Variants in PPIL6 observed in about 807,000 individuals in gnomAD.
PPIL6 encodes probable inactive peptidyl-prolyl cis-trans isomerase-like 6.
In PPIL6, 39 loss-of-function variants were observed where a neutral mutation model predicts 36.8. The ratio of observed to expected loss-of-function variants is 1.06; its 90% CI spans 0.82 to 1.38. The LOEUF is 1.38. Ranked by LOEUF, PPIL6 falls within the 40% of genes most tolerant of loss-of-function variation. The pLI is 0.00. For missense variants in PPIL6, 368 were observed against 379.1 expected (o/e 0.97, Z 0.24); for synonymous variants, 123 against 134.1 (o/e 0.92, Z 0.57).
chr6:109,397,348 T>C lies in PPIL6; in HGVS notation c.824+2687A>G, dbSNP rs117767293. On this transcript the variant is annotated intron_variant, in intron 7 of 7. Transcript: ENST00000521072. Reference sequence around the variant, plus strand: ...AGGAGACCGAGTGCTCTCCACTCCATTGCCGCCCTGTAACGCTCTGTGTTC... The same window carrying C: ...AGGAGACCGAGTGCTCTCCACTCCACTGCCGCCCTGTAACGCTCTGTGTTC... Among the ~76,000 whole-genome samples the C allele has an allele frequency of 1.6e-4, 24 of 152,098 alleles. No homozygotes were observed. In the East Asian group the frequency reaches 4.3e-3, roughly 27 times the overall value.
intron 5 of PPIL6, among the ~76,000 whole-genome samples, chr6:109,421,474 CAT>C (rs1375062704): frequency 6.6e-6 from 1 of 152,202 alleles, no homozygotes; most frequent in Non-Finnish European, 1.5e-5. Flanking sequence ...AATGAAATAA[CAT>C]AGGTAGAGCA....
intron 5 of PPIL6, among the ~76,000 whole-genome samples, chr6:109,425,442 C>G (rs542774687): frequency 6.6e-6 from 1 of 152,088 alleles, no homozygotes; most frequent in East Asian, 1.9e-4. Context: ...AAAAATAAAA[C>G]GAAACAAAAG....
chr6:109,411,592 C>T (rs1017531228), intron 6 of PPIL6, among the ~76,000 whole-genome samples: 1 of 152,214 alleles, frequency 6.6e-6, no homozygotes, highest in African/African-American at 2.4e-5. Flanking sequence ...TCCCAAGTCT[C>T]ACCTGGTTTT....
At chr6:109,394,926 C>A (rs1211191296) in intron 7 of PPIL6, among the ~76,000 whole-genome samples, 1 of 152,168 alleles carries the variant, frequency 6.6e-6, no homozygotes, top group African/African-American at 2.4e-5. Flanking sequence ...AACTGGCTAT[C>A]CTATAGGTAT....
At chr6:109,393,128 A>G (rs534726213) in intron 7 of PPIL6, among the ~76,000 whole-genome samples, 191 bp from the exon 8 acceptor site, 2 of 151,940 alleles carry the variant, frequency 1.3e-5, no homozygotes, top group Non-Finnish European at 2.9e-5. Context: ...CAGGGCCATC[A>G]TCCAGGCAGC....
rs1400987342 is a variant in PPIL6 at position 109,403,058 on chromosome 6, C to T, written c.689-2888G>A. 27 of 1,532,726 alleles carry T rather than the reference C, an allele frequency of 1.8e-5. No homozygotes were observed. The highest frequency in any genetic ancestry group is 2.3e-5 in the Non-Finnish European group (26 of 1,145,014). 94.9% of individuals were successfully genotyped at this position (1,532,726 alleles called of 1,614,324 possible). On this transcript the variant is annotated intron_variant, in intron 6 of 7. Coordinates refer to ENST00000521072, the MANE Select transcript of PPIL6 (RefSeq NM_173672.5). ...CGGTATTTCTCGATCTTTCCAACCCCTCTGCTTTCCTTCTGCCTCTTTACA... is the reference window on the plus strand; with the variant it reads ...CGGTATTTCTCGATCTTTCCAACCCTTCTGCTTTCCTTCTGCCTCTTTACA...
chr6:109,431,375 A>AC (rs1562273069), intron 2 of PPIL6, 30 bp from the exon 3 acceptor site: 4 of 1,533,178 alleles, frequency 2.6e-6, no homozygotes, highest in Middle Eastern at 1.7e-4. Flanking sequence ...AAAAAAAAAA[A>AC]AACGTAAGAA....
intron 6 of PPIL6, among the ~76,000 whole-genome samples, chr6:109,412,832 G>GATTCTGCA (rs1773071963): frequency 6.6e-6 from 1 of 152,144 alleles, no homozygotes; most frequent in Non-Finnish European, 1.5e-5. Flanking sequence ...ATCATATCAA[G>GATTCTGCA]TTAAAAAGAT....
At chr6:109,425,486 T>C (rs1388921372) in intron 5 of PPIL6, among the ~76,000 whole-genome samples, 1 of 152,142 alleles carries the variant, frequency 6.6e-6, no homozygotes, top group East Asian at 1.9e-4. Flanking sequence ...TGGTGGCTCA[T>C]GCCTGTAATC....
Position 109,420,870 on chromosome 6 carries a change from T to C in PPIL6, c.632-1627A>G, listed in dbSNP as rs372818330. Among the ~76,000 whole-genome samples the C allele has an allele frequency of 4.3e-4, 66 of 152,344 alleles. 2 individuals carry two copies. The South Asian group carries it at 0.013, about 31-fold the overall frequency. ...AGGCCATGCAGCATTTAAATTATAC[T>C]ACTCAGAAAGCTGGCTCAGAAGTTA... On this transcript the variant is annotated intron_variant, in intron 5 of 7. Coordinates refer to ENST00000521072, the MANE Select transcript of PPIL6 (RefSeq NM_173672.5).
intron 7 of PPIL6, 120 bp downstream of exon 7, chr6:109,399,915 T>C (rs959883561): frequency 1.1e-5 from 7 of 662,840 alleles, no homozygotes; most frequent in African/African-American, 9.1e-5. Flanking sequence ...TTTGTATTAT[T>C]TTTGCATTTA....
At chr6:109,421,018 G>A (rs1416242520) in intron 5 of PPIL6, among the ~76,000 whole-genome samples, 1 of 152,180 alleles carries the variant, frequency 6.6e-6, no homozygotes, top group Non-Finnish European at 1.5e-5. Flanking sequence ...AAATGGGGAA[G>A]CTGAGGGCCC....
At chr6:109,412,869 T>C (rs1315149409) in intron 6 of PPIL6, among the ~76,000 whole-genome samples, 1 of 152,098 alleles carries the variant, frequency 6.6e-6, no homozygotes, top group African/African-American at 2.4e-5. Flanking sequence ...AACAACAAAG[T>C]GAAGACATGG....
rs1313045785 is a variant in PPIL6, at chr6:109,413,405, C to T, written c.688+5782G>A. 1.3e-5 allele frequency among the ~76,000 whole-genome samples: 2 copies of T among 152,174 alleles called. No homozygotes were observed. The highest frequency in any genetic ancestry group is 4.8e-5 in the African/African-American group (2 of 41,448). On this transcript the variant is annotated intron_variant, in intron 6 of 7. Transcript: ENST00000521072. This position sits in a 1 kb window ranked among gnomAD's most constrained non-coding sequence, Gnocchi z 4.6. The stretch of plus-strand genomic sequence containing the variant: ...ATCAGAGAAACGTAAACCCAAACTA[C>T]AACGAGATATCTCACTCCAGTTAAA...
intron 6 of PPIL6, among the ~76,000 whole-genome samples, chr6:109,415,117 G>A (rs945436383): frequency 1.3e-5 from 2 of 152,188 alleles, no homozygotes. Flanking sequence ...GAGGCAGAGA[G>A]GTGGACGAGG....
chr6:109,401,028 T>A (rs1772512688), intron 6 of PPIL6, among the ~76,000 whole-genome samples: 2 of 115,776 alleles, frequency 1.7e-5, no homozygotes, highest in Non-Finnish European at 3.6e-5. Context: ...CCCGGCTAAT[T>A]TTTTTTTTTT....
intron 6 of PPIL6, among the ~76,000 whole-genome samples, chr6:109,405,649 C>T (rs1399934760): frequency 6.6e-6 from 1 of 152,176 alleles, no homozygotes; most frequent in Non-Finnish European, 1.5e-5. Flanking sequence ...ATTCTTCCAC[C>T]ATGAGAAACA....
At chr6:109,401,000 C>CAT (rs1772508285) in intron 6 of PPIL6, among the ~76,000 whole-genome samples, 1 of 150,806 alleles carries the variant, frequency 6.6e-6, no homozygotes, top group Admixed American at 6.6e-5. Flanking sequence ...GCTGGGACTA[C>CAT]AGGCGCCCGC....
rs1395749198 is a variant in PPIL6, at chr6:109,440,141, A to T, written c.135+315T>A. 1.2e-5 allele frequency: 5 copies of T among 409,180 alleles called. No homozygotes were observed. The Admixed American group carries it at 2.0e-4, about 16-fold the overall frequency. 25.3% of individuals were successfully genotyped at this position (409,180 alleles called of 1,614,324 possible). On this transcript the variant is annotated intron_variant, in intron 1 of 7. Coordinates refer to ENST00000521072, the MANE Select transcript of PPIL6 (RefSeq NM_173672.5). Reference sequence around the variant, plus strand: ...TAAAGAAAAAATTGACGTAGAACAAAATCTGCGGGTGTGTGTGTGTGTGTC... The same window carrying T: ...TAAAGAAAAAATTGACGTAGAACAATATCTGCGGGTGTGTGTGTGTGTGTC...
Sources: gnomAD v4.1 joint callset for allele counts (sites outside exome capture counted in the v4.1 genomes callset) on GRCh38, gnomAD v4.1.1 for gene constraint, Gnocchi (gnomAD v3.1) non-coding constraint, MANE v1.5 for transcripts, NCBI Gene and HGNC (gene_info 2026-07-23, HGNC 2026-07-21) for gene names.